SVOP: variants seen among roughly 807,000 people sequenced by gnomAD.
SVOP encodes synaptic vesicle 2-related protein.
SVOP carries 17 observed loss-of-function variants against 69.1 expected under a neutral mutation model. The observed-to-expected ratio is 0.25, with a 90% CI of 0.17 to 0.37. The LOEUF (loss-of-function observed/expected upper bound fraction) is 0.37, where lower values mean the gene tolerates loss of function less well. Ranked by LOEUF, SVOP falls within the 10% of genes least tolerant of loss-of-function variation. The probability of loss-of-function intolerance (pLI) is 1.00; values close to 1 mark genes in which losing one functional copy is unlikely to be tolerated. For missense variants in SVOP, 435 were observed against 597.5 expected (o/e 0.73, Z 2.84); for synonymous variants, 238 against 238.6 (o/e 1.00, Z 0.02).
intron 5 of SVOP, among the ~76,000 whole-genome samples, chr12:108,965,756 G>A (rs2040041749): frequency 6.6e-6 from 1 of 152,108 alleles, no homozygotes; most frequent in South Asian, 2.1e-4. Flanking sequence ...TTCAACCGAA[G>A]GACAGTATTT....
chr12:108,909,179 C>G lies in SVOP; in HGVS notation c.*3356G>C, dbSNP rs752021382. ...CTTGATAACATTGTTGAGCGTTGAA[C>G]CTTCTCTGATCTCTGCCTGGTTTTG... On this transcript the variant is annotated 3_prime_UTR_variant, in exon 16 of 16. Coordinates refer to ENST00000610966, the MANE Select transcript of SVOP (RefSeq NM_018711.5). The G allele has an allele frequency of 2.0e-5, 3 of 152,142 alleles. No individual in the cohort carries two copies. The highest frequency in any genetic ancestry group is 4.4e-5 in the Non-Finnish European group (3 of 68,052). 9.4% of individuals were successfully genotyped at this position (152,142 alleles called of 1,614,324 possible).
chr12:108,945,759 C>T (rs1473293379), intron 6 of SVOP, among the ~76,000 whole-genome samples: 1 of 152,066 alleles, frequency 6.6e-6, no homozygotes, highest in African/African-American at 2.4e-5. Flanking sequence ...ACCCATAATC[C>T]AATAAGTCCA....
At chr12:108,948,272 CT>C (rs2039935928) in intron 6 of SVOP, among the ~76,000 whole-genome samples, 1 of 152,212 alleles carries the variant, frequency 6.6e-6, no homozygotes, top group Admixed American at 6.5e-5. Flanking sequence ...CCCAAGAGCA[CT>C]CTCAATAAAT....
At chr12:108,916,012 A>G in intron 14 of SVOP, 140 bp from the exon 15 acceptor site, 1 of 748,800 alleles carries the variant, frequency 1.3e-6, no homozygotes. Context: ...CCCTTAAGGG[A>G]CAGGGATCCT....
intron 8 of SVOP, among the ~76,000 whole-genome samples, chr12:108,939,722 G>A (rs1435707232): frequency 2.0e-5 from 3 of 152,096 alleles, no homozygotes; most frequent in African/African-American, 7.2e-5. Flanking sequence ...TTTTCATAGC[G>A]CAAAGTTGTC....
At chr12:108,916,145 A>G (rs1282168010) in intron 14 of SVOP, among the ~76,000 whole-genome samples, 1 of 152,202 alleles carries the variant, frequency 6.6e-6, no homozygotes, top group East Asian at 1.9e-4. Flanking sequence ...CTCCACCAGG[A>G]ACTGCCACAA....
rs556780781 is a variant in SVOP, at chr12:108,975,421, A to G, written c.381+1977T>C. ...ATACCACAAGAAAGTAGCCCGAGGC[A>G]GGGGCTCTGAGCCTGCCAGGCCTGG... is the stretch of plus-strand genomic sequence containing the variant. On this transcript the variant is annotated intron_variant, in intron 4 of 15. Coordinates refer to ENST00000610966, the MANE Select transcript of SVOP (RefSeq NM_018711.5). Among the ~76,000 whole-genome samples the G allele has an allele frequency of 7.3e-4, 111 of 152,330 alleles. 1 individual carries two copies. Among genetic ancestry groups the G allele is most frequent in the African/African-American group, 2.6e-3 (108 of 41,570 alleles).
At chr12:109,005,219 C>T (rs532921018) in intron 1 of SVOP, among the ~76,000 whole-genome samples, 1 of 152,348 alleles carries the variant, frequency 6.6e-6, no homozygotes, top group East Asian at 1.9e-4. Context: ...GAGCCCAACT[C>T]TGGCAAACAG....
chr12:108,983,250 T>C (rs2040151496), intron 2 of SVOP, among the ~76,000 whole-genome samples: 1 of 150,990 alleles, frequency 6.6e-6, no homozygotes, highest in African/African-American at 2.4e-5. Flanking sequence ...ATCACCATCA[T>C]CCTCACCATC....
intron 1 of SVOP, among the ~76,000 whole-genome samples, chr12:109,008,028 A>G (rs2040318747): frequency 8.0e-6 from 1 of 125,102 alleles, no homozygotes; most frequent in Non-Finnish European, 1.9e-5. Flanking sequence ...ACAGAGTGAG[A>G]CCCTGTCTCA....
At chr12:108,994,671 GC>G (rs1181377405) in intron 1 of SVOP, among the ~76,000 whole-genome samples, 1 of 152,166 alleles carries the variant, frequency 6.6e-6, no homozygotes, top group Non-Finnish European at 1.5e-5. Context: ...ACAGTAAGTG[GC>G]TAAGCCACGC....
At chr12:108,997,239 TGCGCTTTTCAGACCGGCTTAAAAAACG>T (rs2040239277) in intron 1 of SVOP, among the ~76,000 whole-genome samples, 1 of 152,146 alleles carries the variant, frequency 6.6e-6, no homozygotes, top group Non-Finnish European at 1.5e-5. Context: ...ACCCGAATAT[TGCGCTTTTCAGACCGGCTTAAAAAACG>T]GCGCACCACG....
At chr12:108,993,316 C>A (rs1357842236) in intron 1 of SVOP, among the ~76,000 whole-genome samples, 1 of 151,174 alleles carries the variant, frequency 6.6e-6, no homozygotes, top group Non-Finnish European at 1.5e-5. Context: ...CTGCAAGACC[C>A]CATTTCTAAG....
At chr12:108,982,495 C>T (rs2040142342) in intron 2 of SVOP, among the ~76,000 whole-genome samples, 1 of 150,764 alleles carries the variant, frequency 6.6e-6, no homozygotes, top group Non-Finnish European at 1.5e-5. Context: ...TCATCATCAT[C>T]ACCACCACTA....
chr12:109,018,492 C>T (rs936481541), intron 1 of SVOP, among the ~76,000 whole-genome samples: 4 of 152,144 alleles, frequency 2.6e-5, no homozygotes, highest in Middle Eastern at 3.2e-3. Context: ...TTCCAAAGTC[C>T]ACTCTTGCCA....
At chr12:108,997,871 C>G (rs1404482498) in intron 1 of SVOP, among the ~76,000 whole-genome samples, 1 of 150,350 alleles carries the variant, frequency 6.7e-6, no homozygotes, top group African/African-American at 2.5e-5. Flanking sequence ...AAAAACAGAA[C>G]AGAAAAACTG....
chr12:108,983,017 TCAC>T (rs1346688865), intron 2 of SVOP, among the ~76,000 whole-genome samples: 4 of 148,600 alleles, frequency 2.7e-5, no homozygotes, highest in African/African-American at 1.0e-4. Flanking sequence ...ATCATCATTA[TCAC>T]CACCATCATC....
chr12:109,011,656 T>G (rs1391789243), intron 1 of SVOP, among the ~76,000 whole-genome samples: 1 of 152,228 alleles, frequency 6.6e-6, no homozygotes, highest in Non-Finnish European at 1.5e-5. Context: ...AATAGTCATA[T>G]AATCATTGTA....
Position 108,983,366 on chromosome 12 carries a change from A to G in SVOP, c.196+235T>C, listed in dbSNP as rs1178482122. ...CATCATCTTTGTCACCATTATCATC[A>G]TTGTTATTGCCATCCTCAGCCAAGT... On this transcript the variant is annotated intron_variant, in intron 2 of 15. Coordinates refer to ENST00000610966, the MANE Select transcript of SVOP (RefSeq NM_018711.5). 2.0e-5 allele frequency among the ~76,000 whole-genome samples: 3 copies of G among 152,124 alleles called. No homozygotes were observed. In the East Asian group the frequency reaches 5.8e-4, roughly 29 times the overall value.
Sources: gnomAD v4.1 joint callset for allele counts (sites outside exome capture counted in the v4.1 genomes callset) on GRCh38, gnomAD v4.1.1 for gene constraint, MANE v1.5 for transcripts, NCBI Gene and HGNC (gene_info 2026-07-23, HGNC 2026-07-21) for gene names.